EXOC3L2: variants seen among roughly 807,000 people sequenced by gnomAD.
EXOC3L2 encodes exocyst complex component 3-like protein 2.
EXOC3L2 carries 17 observed loss-of-function variants against 44.4 expected under a neutral mutation model. The observed-to-expected ratio is 0.38, with a 90% CI of 0.26 to 0.57. The LOEUF (loss-of-function observed/expected upper bound fraction) is 0.57. EXOC3L2 is among the 20% of genes least tolerant of loss of function. The pLI, the probability that EXOC3L2 is intolerant of heterozygous loss-of-function variation, is 0.65. For synonymous variants in EXOC3L2, 256 were observed against 253.7 expected (o/e 1.01, Z -0.09); for missense variants, 541 against 588.4 (o/e 0.92, Z 0.83).
intron 4 of EXOC3L2, 50 bp downstream of exon 4, chr19:45,231,713 C>CGA (rs1354694086): frequency 6.6e-7 from 1 of 1,507,832 alleles, no homozygotes. Context: ...CCACTGTGAC[C>CGA]CCCTCCCTCC....
intron 2 of EXOC3L2, among the ~76,000 whole-genome samples, chr19:45,235,840 G>C (rs1198732040): frequency 6.6e-6 from 1 of 152,206 alleles, no homozygotes; most frequent in East Asian, 1.9e-4. Context: ...GAGGGCATCA[G>C]AGGACAGAAA....
chr19:45,216,503 C>T (rs995834644), intron 10 of EXOC3L2, among the ~76,000 whole-genome samples: 6 of 152,036 alleles, frequency 3.9e-5, no homozygotes, highest in Admixed American at 2.0e-4. Context: ...CACTTGAAAT[C>T]GAGAGGCAGA....
At chr19:45,240,414 G>A (rs773765951) in intron 1 of EXOC3L2, among the ~76,000 whole-genome samples, 1 of 152,018 alleles carries the variant, frequency 6.6e-6, no homozygotes, top group Admixed American at 6.6e-5. Context: ...CACCTCGCAG[G>A]TCTCTAGGCA....
At position 45,238,614 on chromosome 19, in the gene EXOC3L2, G is replaced by A. The variant is rs1311387651; in HGVS notation, c.432C>T (p.Ser144=). 2.5e-6 allele frequency: 1 copy of A among 399,236 alleles called. No homozygotes were observed. Among genetic ancestry groups the A allele is most frequent in the Non-Finnish European group, 4.4e-6 (1 of 226,104 alleles). The allele number at this position is 399,236 out of a possible 1,614,324, so 24.7% of individuals were successfully genotyped here. The change falls in exon 2 of 12, where the codon TCC becomes TCT. Residue 144 remains serine (S), a synonymous_variant. Transcript: ENST00000413988. The surrounding 1 kb of genome is among the most constrained non-coding windows in gnomAD (Gnocchi z 5.5). The stretch of plus-strand genomic sequence containing the variant: ...CTGCAGGCACCACTCTCTCAGCCAG[G>A]GACGCACGCTGGGGCTTGGATCCAC... ...LGRGSKPQRA[S]LAERVVPAGE...
chr19:45,239,193 T>A (rs1970110116), intron 1 of EXOC3L2, 132 bp from the exon 2 acceptor site: 1 of 383,486 alleles, frequency 2.6e-6, no homozygotes. Context: ...GCCCTTGATC[T>A]GCACAAGCTT....
rs751543675 is a variant in EXOC3L2, at chr19:45,227,752, C to A, written c.1493G>T (p.Arg498Leu). The A allele has an allele frequency of 2.0e-5, 32 of 1,612,240 alleles. No homozygotes were observed. The highest frequency in any genetic ancestry group is 2.7e-5 in the Non-Finnish European group (32 of 1,179,600). ...CCGGACTGCTGGGTTCTCATGGAAT[C>A]GCTCCACACGCTGCTGGAAGCTGGT... is the stretch of plus-strand genomic sequence containing the variant. ...FLQSFQQRVE[R>L]FHENPAVREM... The change falls in exon 7 of 12, where the codon CGA (arginine) becomes CTA (leucine). Residue 498 changes from arginine (R) to leucine (L), a missense_variant. Transcript: ENST00000413988.
At position 45,214,188 on chromosome 19, in the gene EXOC3L2, C is replaced by G. The variant is rs182484545; in HGVS notation, c.2121-831G>C. ...GGGACTCCAGGAATATGTGCCTTCC[C>G]AAGGACATGACCTTATCCCCCAGAA... On this transcript the variant is annotated intron_variant, in intron 11 of 11. Transcript: ENST00000413988. 1.2e-4 allele frequency among the ~76,000 whole-genome samples: 19 copies of G among 152,270 alleles called. No individual in the cohort carries two copies. The East Asian group carries it at 3.7e-3, about 29-fold the overall frequency.
At chr19:45,221,159 A>G (rs1487419810) in intron 8 of EXOC3L2, among the ~76,000 whole-genome samples, 1 of 151,116 alleles carries the variant, frequency 6.6e-6, no homozygotes, top group Non-Finnish European at 1.5e-5. Flanking sequence ...CAGCCTCAGC[A>G]CCTGCTCTCT....
At chr19:45,217,438 C>A (rs1052753752) in intron 10 of EXOC3L2, 90 bp downstream of exon 10, 4 of 1,398,676 alleles carry the variant, frequency 2.9e-6, no homozygotes, top group Non-Finnish European at 2.8e-6. Flanking sequence ...AGCTCTGCCC[C>A]TCTCCCCCTG....
At chr19:45,242,326 G>A (rs928076965) in intron 1 of EXOC3L2, among the ~76,000 whole-genome samples, 46 of 152,206 alleles carry the variant, frequency 3.0e-4, no homozygotes, top group African/African-American at 1.0e-3. Flanking sequence ...GTGCAGAGGC[G>A]TGATCATGGC....
intron 9 of EXOC3L2, 114 bp from the exon 10 acceptor site, chr19:45,217,797 TGG>T: frequency 8.0e-7 from 1 of 1,247,860 alleles, no homozygotes; most frequent in Non-Finnish European, 1.0e-6. Flanking sequence ...CGGGCACCCA[TGG>T]GCACCCTTCC....
intron 2 of EXOC3L2, among the ~76,000 whole-genome samples, chr19:45,235,517 T>G (rs1970075473): frequency 6.6e-6 from 1 of 151,754 alleles, no homozygotes; most frequent in Admixed American, 6.6e-5. Flanking sequence ...ATGGGACCAC[T>G]GATGGGGTCT....
At chr19:45,221,334 A>G (rs994448306) in intron 8 of EXOC3L2, among the ~76,000 whole-genome samples, 1 of 150,888 alleles carries the variant, frequency 6.6e-6, no homozygotes, top group Non-Finnish European at 1.5e-5. Context: ...GAGAGCCACC[A>G]TGTCTAATGT....
chr19:45,213,497 C>A, intron 11 of EXOC3L2, 140 bp from the exon 12 acceptor site: 1 of 955,890 alleles, frequency 1.0e-6, no homozygotes, highest in Admixed American at 2.9e-5. Context: ...CCTCCAGAGC[C>A]TTCCCTCCAA....
intron 1 of EXOC3L2, among the ~76,000 whole-genome samples, chr19:45,243,995 C>A (rs957932616): frequency 6.6e-6 from 1 of 152,048 alleles, no homozygotes; most frequent in Non-Finnish European, 1.5e-5. Flanking sequence ...ATGGTCTCGG[C>A]TCACTGCAAC....
chr19:45,227,066 CTT>C (rs1328490139), intron 7 of EXOC3L2, among the ~76,000 whole-genome samples: 1 of 124,098 alleles, frequency 8.1e-6, no homozygotes, highest in South Asian at 2.5e-4. Context: ...ATCTCTCTCT[CTT>C]TTTTTTTAGT....
chr19:45,219,393 C>CAAAAA (rs950797638), intron 8 of EXOC3L2, among the ~76,000 whole-genome samples: 827 of 51,502 alleles, frequency 0.016, 11 homozygotes, highest in Non-Finnish European at 0.026. Flanking sequence ...GGCCCCGTCT[C>CAAAAA]AAAAAAAAAA....
chr19:45,239,564 A>C (rs1970113996), intron 1 of EXOC3L2, among the ~76,000 whole-genome samples: 1 of 143,802 alleles, frequency 7.0e-6, no homozygotes, highest in Non-Finnish European at 1.5e-5. Flanking sequence ...TCTGTCACCC[A>C]GGCTGGAGTG....
chr19:45,224,585 C>T (rs1157046201), intron 8 of EXOC3L2, among the ~76,000 whole-genome samples, 193 bp downstream of exon 8: 4 of 152,156 alleles, frequency 2.6e-5, no homozygotes, highest in Non-Finnish European at 4.4e-5. Context: ...CTGCTGATGG[C>T]CCTCTGTTAT....
Sources: allele counts gnomAD v4.1 joint callset (sites outside exome capture counted in the v4.1 genomes callset), GRCh38; gene constraint gnomAD v4.1.1; non-coding constraint Gnocchi (gnomAD v3.1); transcripts MANE v1.5; gene names NCBI Gene and HGNC (gene_info 2026-07-23, HGNC 2026-07-21).